Variants in SEMA3E observed in about 807,000 individuals in gnomAD.
The protein encoded by SEMA3E is semaphorin 3E.
Under a neutral mutation model 93.6 loss-of-function variants are expected in SEMA3E, and 49 were observed. The observed-to-expected ratio is 0.52, with a 90% CI of 0.42 to 0.66. The LOEUF (loss-of-function observed/expected upper bound fraction) is 0.66, where lower values mean the gene tolerates loss of function less well. Among genes scored for constraint, SEMA3E ranks in the 30% least tolerant of loss-of-function variants. The probability of loss-of-function intolerance (pLI) is 0.00; values close to 1 mark genes in which losing one functional copy is unlikely to be tolerated. For missense variants in SEMA3E, 906 were observed against 964.8 expected (o/e 0.94, Z 0.81); for synonymous variants, 363 against 330.7 (o/e 1.10, Z -1.06).
intron 14 of SEMA3E, among the ~76,000 whole-genome samples, chr7:83,388,331 AT>A (rs1021081513): frequency 2.6e-3 from 368 of 140,052 alleles, no homozygotes; most frequent in Non-Finnish European, 4.1e-3. Context: ...ATAAAAAAAA[AT>A]ATATATATAT....
At chr7:83,524,988 A>T (rs1791125617) in intron 1 of SEMA3E, among the ~76,000 whole-genome samples, 1 of 151,758 alleles carries the variant, frequency 6.6e-6, no homozygotes, top group Admixed American at 6.6e-5. Flanking sequence ...TGGATTGGCT[A>T]CTCTTTCTTG....
At chr7:83,537,577 A>G (rs940991035) in intron 1 of SEMA3E, among the ~76,000 whole-genome samples, 20 of 152,182 alleles carry the variant, frequency 1.3e-4, no homozygotes, top group Non-Finnish European at 2.6e-4. Flanking sequence ...AGGGTGAGGA[A>G]TTCTGCCCCA....
chr7:83,438,671 T>G (rs938822437), intron 4 of SEMA3E, among the ~76,000 whole-genome samples: 5 of 152,062 alleles, frequency 3.3e-5, no homozygotes, highest in African/African-American at 7.2e-5. Context: ...GCATTTGGGT[T>G]ACACCATAAC....
At chr7:83,396,432 T>G (rs1179139659) in intron 12 of SEMA3E, among the ~76,000 whole-genome samples, 18 of 152,172 alleles carry the variant, frequency 1.2e-4, no homozygotes, top group Non-Finnish European at 2.6e-4. Flanking sequence ...ATTCTTTCCA[T>G]GCTGGGTAAA....
chr7:83,404,665 A>C (rs968111667), intron 9 of SEMA3E, among the ~76,000 whole-genome samples: 1 of 152,022 alleles, frequency 6.6e-6, no homozygotes, highest in Non-Finnish European at 1.5e-5. Flanking sequence ...ACAGAAACAT[A>C]AAGGGGAAAA....
Position 83,394,347 on chromosome 7 carries a change from T to G in SEMA3E, c.1459-9A>C. On this transcript the variant is annotated splice_polypyrimidine_tract_variant and intron_variant, in intron 12 of 16. Transcript: ENST00000643230. ...ATAATAGGAACTGGATCCTGAAATT[T>G]TAAAAAAGTTTTCATTTTTAAGAAA... is the stretch of plus-strand genomic sequence containing the variant. The G allele has an allele frequency of 6.2e-7, 1 of 1,610,918 alleles. No individual in the cohort carries two copies. Among genetic ancestry groups the G allele is most frequent in the South Asian group, 1.1e-5 (1 of 90,940 alleles).
chr7:83,584,923 C>T (rs1562843426), intron 1 of SEMA3E, among the ~76,000 whole-genome samples: 1 of 152,136 alleles, frequency 6.6e-6, no homozygotes, highest in Non-Finnish European at 1.5e-5. Flanking sequence ...TCCCTGTTTA[C>T]ATCTTGCAGC....
At chr7:83,416,797 G>A (rs1788550254) in intron 5 of SEMA3E, among the ~76,000 whole-genome samples, 1 of 151,686 alleles carries the variant, frequency 6.6e-6, no homozygotes. Flanking sequence ...AGAAAAAGAT[G>A]GTGTGAGACT....
intron 1 of SEMA3E, among the ~76,000 whole-genome samples, chr7:83,497,624 A>G (rs1334595403): frequency 1.3e-5 from 2 of 152,252 alleles, no homozygotes; most frequent in African/African-American, 4.8e-5. Flanking sequence ...GATGATCACT[A>G]GTGGCTTATG....
chr7:83,368,560 A>T (rs1794708634), intron 16 of SEMA3E, among the ~76,000 whole-genome samples: 2 of 152,154 alleles, frequency 1.3e-5, no homozygotes, highest in Admixed American at 1.3e-4. Context: ...GTCGTCTTAC[A>T]AAAAAATTCA....
At chr7:83,468,955 C>T (rs1789834028) in intron 3 of SEMA3E, among the ~76,000 whole-genome samples, 1 of 151,938 alleles carries the variant, frequency 6.6e-6, no homozygotes, top group Non-Finnish European at 1.5e-5. Flanking sequence ...TATTTTTCTG[C>T]CAAATACATG....
At chr7:83,456,643 C>T (rs1024608855) in intron 4 of SEMA3E, among the ~76,000 whole-genome samples, 2 of 102,858 alleles carry the variant, frequency 1.9e-5, no homozygotes, top group Admixed American at 1.9e-4. Flanking sequence ...GTTGGAGTCT[C>T]ATTCTTGTTG....
In SEMA3E at chr7:83,593,282, C is replaced by G. The variant is rs867731008; in HGVS notation, c.115+55146G>C. Among the ~76,000 whole-genome samples, 156 of 107,378 alleles carry G rather than the reference C, an allele frequency of 1.5e-3. 1 individual carries two copies. The highest frequency in any genetic ancestry group is 6.8e-3 in the African/African-American group (148 of 21,896). The allele number at this position is 107,378 out of a possible 152,430, so 70.4% of individuals were successfully genotyped here. Reference sequence around the variant, plus strand: ...TCTGTCTCTCTCTCTCTCTCTCTCTCTCTGTGTGTGTGTGTGTGTGTGTGT... The same window carrying G: ...TCTGTCTCTCTCTCTCTCTCTCTCTGTCTGTGTGTGTGTGTGTGTGTGTGT... On this transcript the variant is annotated intron_variant, in intron 1 of 16. Coordinates refer to ENST00000643230, the MANE Select transcript of SEMA3E (RefSeq NM_012431.3).
intron 1 of SEMA3E, among the ~76,000 whole-genome samples, chr7:83,510,914 T>C (rs1300846276): frequency 1.3e-5 from 2 of 152,200 alleles, no homozygotes; most frequent in African/African-American, 4.8e-5. Context: ...AAAATAATTA[T>C]ATGTATAATA....
At chr7:83,464,433 C>T (rs1319226019) in intron 4 of SEMA3E, among the ~76,000 whole-genome samples, 6 of 123,382 alleles carry the variant, frequency 4.9e-5, no homozygotes, top group Non-Finnish European at 1.1e-4. Flanking sequence ...TCACCGTTCT[C>T]AACTACTCAT....
intron 1 of SEMA3E, among the ~76,000 whole-genome samples, chr7:83,536,060 A>T (rs1021350589): frequency 1.3e-5 from 2 of 152,148 alleles, no homozygotes; most frequent in Non-Finnish European, 2.9e-5. Context: ...AAGCAGCCAA[A>T]ATGTCTACTT....
intron 1 of SEMA3E, among the ~76,000 whole-genome samples, chr7:83,563,289 A>G (rs1271846049): frequency 6.6e-6 from 1 of 152,238 alleles, no homozygotes; most frequent in African/African-American, 2.4e-5. Flanking sequence ...GACTGTGGCT[A>G]TGAATCAGCT....
At chr7:83,387,150 G>GA (rs547045993) in intron 14 of SEMA3E, 100 bp from the exon 15 acceptor site, 59 of 910,858 alleles carry the variant, frequency 6.5e-5, no homozygotes, top group Non-Finnish European at 8.4e-5. Flanking sequence ...TTCTGCTACT[G>GA]AAAAAAATGA....
At chr7:83,451,594 G>C (rs912372613) in intron 4 of SEMA3E, among the ~76,000 whole-genome samples, 1 of 152,154 alleles carries the variant, frequency 6.6e-6, no homozygotes, top group African/African-American at 2.4e-5. Flanking sequence ...TTATTGCCAG[G>C]TGGAGATGGC....
Sources: allele counts gnomAD v4.1 joint callset (sites outside exome capture counted in the v4.1 genomes callset), GRCh38; gene constraint gnomAD v4.1.1; transcripts MANE v1.5; gene names NCBI Gene and HGNC (gene_info 2026-07-23, HGNC 2026-07-21).